ARMC2: variants seen among roughly 807,000 people sequenced by gnomAD.
The protein encoded by ARMC2 is armadillo repeat containing 2, also known as armadillo repeat-containing protein 2.
In ARMC2, 67 loss-of-function variants were observed where a neutral mutation model predicts 90.3. That is an observed-to-expected ratio of 0.74 (90% CI 0.61 to 0.91). ARMC2 has a LOEUF of 0.91. Ranked by LOEUF, ARMC2 falls within the 40% of genes least tolerant of loss-of-function variation. The probability of loss-of-function intolerance (pLI) is 0.00; values close to 1 mark genes in which losing one functional copy is unlikely to be tolerated. For missense variants in ARMC2, 920 were observed against 1,030.9 expected, an observed-to-expected ratio of 0.89 and a Z score of 1.47; for synonymous variants, 393 against 393.0, an observed-to-expected ratio of 1.00 and a Z score of 0.00.
chr6:108,959,705 A>G (rs1053258745), intron 13 of ARMC2, among the ~76,000 whole-genome samples: 1 of 151,484 alleles, frequency 6.6e-6, no homozygotes, highest in Non-Finnish European at 1.5e-5. Context: ...TTTATTTTTG[A>G]GATGGGGTCT....
At chr6:108,898,836 T>A (rs1246076861) in intron 6 of ARMC2, among the ~76,000 whole-genome samples, 1 of 152,078 alleles carries the variant, frequency 6.6e-6, no homozygotes, top group African/African-American at 2.4e-5. Flanking sequence ...GCATCTAGAG[T>A]ACACAGTCAA....
At chr6:108,970,035 C>T (rs1028850558) in intron 17 of ARMC2, among the ~76,000 whole-genome samples, 5 of 150,740 alleles carry the variant, frequency 3.3e-5, no homozygotes, top group Admixed American at 6.6e-5. Flanking sequence ...GACTCTGTCT[C>T]TTAAAAAAAA....
chr6:108,987,674 T>C, the ARMC2 span: 1 of 1,070,682 alleles, frequency 9.3e-7, no homozygotes, highest in Non-Finnish European at 1.4e-6. Flanking sequence ...GTTACAAGCA[T>C]TCACAATCAG....
the ARMC2 span, among the ~76,000 whole-genome samples, chr6:109,043,519 A>G: frequency 2.6e-5 from 4 of 152,238 alleles, no homozygotes; most frequent in Admixed American, 2.6e-4. Context: ...AAGGGAGTTG[A>G]GCAGGTTGCA....
At chr6:108,965,580 C>T (rs1202637982) in intron 17 of ARMC2, among the ~76,000 whole-genome samples, 1 of 152,030 alleles carries the variant, frequency 6.6e-6, no homozygotes, top group Non-Finnish European at 1.5e-5. Context: ...GACTATTTGG[C>T]ATTACAATGG....
chr6:108,879,084 C>T (rs1366543697), intron 5 of ARMC2, among the ~76,000 whole-genome samples: 2 of 150,822 alleles, frequency 1.3e-5, no homozygotes, highest in Admixed American at 1.3e-4. Flanking sequence ...CGTCTACCTA[C>T]CCACCCATCT....
chr6:108,941,631 T>G (rs1776449214), intron 12 of ARMC2, among the ~76,000 whole-genome samples: 1 of 152,226 alleles, frequency 6.6e-6, no homozygotes, highest in Non-Finnish European at 1.5e-5. Context: ...CCTCAAAAGT[T>G]ATGGTTTTAT....
At chr6:108,988,856 AG>A in the ARMC2 span, among the ~76,000 whole-genome samples, 1 of 152,226 alleles carries the variant, frequency 6.6e-6, no homozygotes, top group Non-Finnish European at 1.5e-5. Context: ...GTGAGTATAA[AG>A]GGATAAGAAA....
At chr6:109,008,714 A>G in the ARMC2 span, 1 of 927,412 alleles carries the variant, frequency 1.1e-6, no homozygotes, top group Non-Finnish European at 1.3e-6. Flanking sequence ...ATTTGCAACC[A>G]CTTAGAAAAA....
chr6:108,948,529 G>A (rs1479851566), intron 12 of ARMC2, among the ~76,000 whole-genome samples: 2 of 151,102 alleles, frequency 1.3e-5, no homozygotes, highest in East Asian at 3.9e-4. Context: ...TGGTGCTGCA[G>A]ACGGCGCAAT....
chr6:109,020,822 T>C, the ARMC2 span, among the ~76,000 whole-genome samples: 2 of 152,222 alleles, frequency 1.3e-5, no homozygotes, highest in Non-Finnish European at 2.9e-5. Context: ...GCCAAATTTA[T>C]ATTCTAAAGC....
the ARMC2 span, chr6:109,002,453 G>A: frequency 2.5e-6 from 2 of 815,962 alleles, no homozygotes; most frequent in East Asian, 2.6e-5. Context: ...GGCTTGTTTT[G>A]ATGGTTTGTT....
the ARMC2 span, among the ~76,000 whole-genome samples, chr6:108,997,809 C>T: frequency 6.6e-6 from 1 of 152,092 alleles, no homozygotes; most frequent in African/African-American, 2.4e-5. Flanking sequence ...AAAATAAACC[C>T]TTGCTTTTTC....
the ARMC2 span, chr6:109,000,795 C>T: frequency 2.6e-6 from 2 of 773,734 alleles, no homozygotes; most frequent in Non-Finnish European, 3.6e-6. Context: ...TTTCCGTAAA[C>T]TACAGAAATG....
At position 108,968,877 on chromosome 6, in the gene ARMC2, G is replaced by A. The variant is rs993371912; in HGVS notation, c.2446+3737G>A. ...GGAGAAGTAATATACCCTCAACATCGTTGGAATGTTGACAGTCTTTCTGGA... is the reference window on the plus strand; with the variant it reads ...GGAGAAGTAATATACCCTCAACATCATTGGAATGTTGACAGTCTTTCTGGA... On this transcript the variant is annotated intron_variant, in intron 17 of 17. Transcript: ENST00000392644. Among the ~76,000 whole-genome samples the A allele has an allele frequency of 3.9e-5, 6 of 152,122 alleles. No homozygotes were observed. In the South Asian group the frequency reaches 6.2e-4, roughly 16 times the overall value.
chr6:108,990,980 C>A, the ARMC2 span: 1 of 637,624 alleles, frequency 1.6e-6, no homozygotes, highest in Non-Finnish European at 2.6e-6. Flanking sequence ...CACTTACACT[C>A]CAATCTTTTT....
At chr6:108,993,999 G>T in the ARMC2 span, among the ~76,000 whole-genome samples, 1 of 151,936 alleles carries the variant, frequency 6.6e-6, no homozygotes, top group Non-Finnish European at 1.5e-5. Flanking sequence ...AATTAAGCAG[G>T]CATGGTGGCA....
chr6:108,950,182 G>C (rs776372605), intron 12 of ARMC2, among the ~76,000 whole-genome samples: 6 of 152,008 alleles, frequency 3.9e-5, no homozygotes, highest in Non-Finnish European at 7.4e-5. Context: ...CTCTAGCCTG[G>C]GCGACAGAGC....
At chr6:108,870,993 C>T (rs935192101) in intron 4 of ARMC2, among the ~76,000 whole-genome samples, 2 of 152,178 alleles carry the variant, frequency 1.3e-5, no homozygotes, top group Non-Finnish European at 2.9e-5. Flanking sequence ...TGCTTTAGCT[C>T]AGGTGGCTCT....
Sources: gnomAD v4.1 joint callset for allele counts (sites outside exome capture counted in the v4.1 genomes callset) on GRCh38, gnomAD v4.1.1 for gene constraint, MANE v1.5 for transcripts, NCBI Gene and HGNC (gene_info 2026-07-23, HGNC 2026-07-21) for gene names.